Variants in ANKAR observed in about 807,000 individuals in gnomAD.
ANKAR encodes ankyrin and armadillo repeat containing, also known as ankyrin and armadillo repeat-containing protein.
A neutral mutation model predicts 146.2 loss-of-function variants in ANKAR; 136 were observed. The ratio of observed to expected loss-of-function variants is 0.93; its 90% CI spans 0.81 to 1.07. ANKAR has a LOEUF of 1.07. Among genes scored for constraint, ANKAR ranks in the 50% least tolerant of loss-of-function variants. ANKAR has a pLI of 0.00. For synonymous variants in ANKAR, 500 were observed against 575.8 expected (o/e 0.87, Z 1.88); for missense variants, 1,567 against 1,679.9 (o/e 0.93, Z 1.18).
intron 7 of ANKAR, among the ~76,000 whole-genome samples, chr2:189,700,969 C>A (rs1032692914): frequency 2.0e-5 from 3 of 152,166 alleles, no homozygotes; most frequent in African/African-American, 7.2e-5. Flanking sequence ...GCTTCCAAAT[C>A]TTTGTTATTG....
At chr2:189,748,209 A>G (rs1372492473), downstream of ANKAR, among the ~76,000 whole-genome samples, 2 of 152,144 alleles carry the variant, frequency 1.3e-5, no homozygotes, top group African/African-American at 4.8e-5. Flanking sequence ...TTATTTATTT[A>G]TTTGTCTGTT....
At chr2:189,692,933 A>G (rs984486961) in intron 4 of ANKAR, 141 bp from the exon 5 acceptor site, 3 of 462,736 alleles carry the variant, frequency 6.5e-6, no homozygotes, top group African/African-American at 6.2e-5. Context: ...AGGATTAGAT[A>G]TATTCAGCTG....
intron 2 of ANKAR, among the ~76,000 whole-genome samples, chr2:189,685,246 C>CT (rs199688691): frequency 5.2e-4 from 76 of 146,004 alleles, no homozygotes; most frequent in African/African-American, 1.1e-3. Flanking sequence ...CTTTCTTTTT[C>CT]TTTTTTTTTT....
chr2:189,746,313 G>A (rs2044157508), intron 22 of ANKAR, 67 bp from the exon 23 acceptor site: 1 of 1,449,622 alleles, frequency 6.9e-7, no homozygotes, highest in Non-Finnish European at 9.3e-7. Flanking sequence ...GAACTACATA[G>A]AAGTAGAAGT....
intron 4 of ANKAR, 50 bp from the exon 5 acceptor site, chr2:189,693,024 G>A: frequency 2.1e-6 from 2 of 931,954 alleles, no homozygotes; most frequent in Non-Finnish European, 3.2e-6. Flanking sequence ...TCTTATAATT[G>A]TTTAGATGTG....
chr2:189,686,323 C>T (rs1021549636), intron 2 of ANKAR, among the ~76,000 whole-genome samples: 3 of 152,132 alleles, frequency 2.0e-5, no homozygotes, highest in East Asian at 1.9e-4. Context: ...TCATGTCTTA[C>T]GACTACAAGC....
intron 17 of ANKAR, among the ~76,000 whole-genome samples, chr2:189,734,934 A>T (rs1408454593): frequency 1.3e-5 from 2 of 151,904 alleles, no homozygotes; most frequent in Non-Finnish European, 2.9e-5. Context: ...ACTGCACTCC[A>T]GCCTGGGTGA....
intron 7 of ANKAR, among the ~76,000 whole-genome samples, chr2:189,698,632 G>A (rs1025976948): frequency 6.6e-6 from 1 of 152,164 alleles, no homozygotes; most frequent in Non-Finnish European, 1.5e-5. Context: ...TACGTACAAC[G>A]AACTGAATTG....
intron 17 of ANKAR, among the ~76,000 whole-genome samples, chr2:189,736,270 A>G (rs2042824467): frequency 6.6e-6 from 1 of 152,212 alleles, no homozygotes; most frequent in African/African-American, 2.4e-5. Flanking sequence ...CTACATGGAA[A>G]AGAAATGGAA....
chr2:189,692,190 T>C lies in ANKAR; in HGVS notation c.1040-65T>C. ...TTGTTTACATGAATGAGAAGCTAGA[T>C]CTCTTAAAATATGACTTTATGTGCT... On this transcript the variant is annotated intron_variant, in intron 3 of 22. Transcript: ENST00000684021. 6 of 1,344,734 alleles carry C rather than the reference T, an allele frequency of 4.5e-6. No individual in the cohort carries two copies. In the South Asian group the frequency reaches 8.5e-5, roughly 19 times the overall value. 83.3% of individuals were successfully genotyped at this position (1,344,734 alleles called of 1,614,324 possible). A position where few individuals can be genotyped will look rare whatever the true frequency, so the allele number is the denominator to read the frequency against.
At chr2:189,729,855 C>A (rs578244239) in intron 15 of ANKAR, among the ~76,000 whole-genome samples, 33 of 151,968 alleles carry the variant, frequency 2.2e-4, no homozygotes, top group African/African-American at 7.5e-4. Context: ...AGGGTTAACC[C>A]ATTTACATAA....
At chr2:189,754,495 A>T in intron 18 of ANKAR, 1 of 691,522 alleles carries the variant, frequency 1.4e-6, no homozygotes, top group Non-Finnish European at 2.3e-6. Flanking sequence ...ACTATAGCTG[A>T]TATTCAGGTA....
At chr2:189,704,574 T>G (rs2038610233) in intron 7 of ANKAR, among the ~76,000 whole-genome samples, 4 of 118,692 alleles carry the variant, frequency 3.4e-5, no homozygotes, top group Non-Finnish European at 7.1e-5. Context: ...TATATATATA[T>G]ATATATATAT....
chr2:189,762,889 C>G, downstream of ANKAR: 1 of 985,422 alleles, frequency 1.0e-6, no homozygotes. Flanking sequence ...CGTCTTTGCC[C>G]AAAACGCTCT....
intron 5 of ANKAR, among the ~76,000 whole-genome samples, chr2:189,693,897 C>T (rs973456888): frequency 2.6e-5 from 4 of 151,958 alleles, no homozygotes; most frequent in African/African-American, 7.3e-5. Flanking sequence ...TACAGGCATG[C>T]GCCACCATGC....
At chr2:189,754,020 C>T in intron 18 of ANKAR, 1 of 1,613,560 alleles carries the variant, frequency 6.2e-7, no homozygotes, top group Non-Finnish European at 8.5e-7. Flanking sequence ...TGTACTGTGG[C>T]AGCAATGTCT....
At chr2:189,691,203 C>T (rs2036342340) in intron 3 of ANKAR, among the ~76,000 whole-genome samples, 1 of 152,032 alleles carries the variant, frequency 6.6e-6, no homozygotes, top group Non-Finnish European at 1.5e-5. Context: ...TTACAGCCAC[C>T]TGCCACCATG....
downstream of ANKAR, among the ~76,000 whole-genome samples, chr2:189,751,481 G>T (rs2045217387): frequency 1.5e-5 from 2 of 129,378 alleles, no homozygotes; most frequent in African/African-American, 6.1e-5. Flanking sequence ...GTCTCACTCT[G>T]TCACCCGGGC....
chr2:189,749,018 G>A (rs1377797990), downstream of ANKAR, among the ~76,000 whole-genome samples: 2 of 151,954 alleles, frequency 1.3e-5, no homozygotes, highest in Admixed American at 6.6e-5. Flanking sequence ...AGGCCAAGGC[G>A]GGTGGATCAC....
Sources: allele counts gnomAD v4.1 joint callset (sites outside exome capture counted in the v4.1 genomes callset), GRCh38; gene constraint gnomAD v4.1.1; transcripts MANE v1.5; gene names NCBI Gene and HGNC (gene_info 2026-07-23, HGNC 2026-07-21).